CSNK2A1: variants seen among roughly 807,000 people sequenced by gnomAD.
The protein encoded by CSNK2A1 is casein kinase 2 alpha 1.
A neutral mutation model predicts 62.9 loss-of-function variants in CSNK2A1; 10 were observed. The ratio of observed to expected loss-of-function variants is 0.16; its 90% confidence interval spans 0.10 to 0.27. The LOEUF is 0.27. Ranked by LOEUF, CSNK2A1 falls within the 10% of genes least tolerant of loss-of-function variation. The pLI is 1.00. For synonymous variants in CSNK2A1, 124 were observed against 167.8 expected, an observed-to-expected ratio of 0.74 and a Z score of 2.02; for missense variants, 160 against 492.0, an observed-to-expected ratio of 0.33 and a Z score of 6.38.
Position 486,364 on chromosome 20 carries a change from C to T in CSNK2A1, c.1060+12G>A. 1 of 1,612,384 alleles carries T rather than the reference C, an allele frequency of 6.2e-7. No individual in the cohort carries two copies. The highest frequency in any genetic ancestry group is 1.1e-5 in the South Asian group (1 of 90,842). On this transcript the variant is annotated intron_variant, in intron 13 of 13. Coordinates refer to ENST00000217244, the MANE Select transcript of CSNK2A1 (RefSeq NM_177559.3). ...CCACATTTTTTTAAAGAAAATTTACCAATGAACTGACCTGACATCATATTG... is the reference window on the plus strand; with the variant it reads ...CCACATTTTTTTAAAGAAAATTTACTAATGAACTGACCTGACATCATATTG...
At chr20:494,673 C>G (rs2018308669) in intron 8 of CSNK2A1, 1 of 152,224 alleles carries the variant, frequency 6.6e-6, no homozygotes, top group Non-Finnish European at 1.5e-5. Flanking sequence ...AGCTCTCTAT[C>G]TTCAGAGAAA....
Position 478,650 on chromosome 20 carries a change from C to T in CSNK2A1, c.*5311G>A, listed in dbSNP as rs1441439026. On this transcript the variant is annotated 3_prime_UTR_variant, in exon 14 of 14. Transcript: ENST00000217244. ...AGGCCAATAAGAATCCCTAGTGGGC[C>T]AGGTGTGGTGGCTCATGCCTCTAAT... The T allele has an allele frequency of 2.3e-6, 1 of 433,506 alleles. No individual in the cohort carries two copies. The highest frequency in any genetic ancestry group is 2.5e-5 in the Admixed American group (1 of 39,446). 26.9% of individuals were successfully genotyped at this position (433,506 alleles called of 1,614,324 possible).
At chr20:519,884 A>G (rs2018909524) in intron 2 of CSNK2A1, among the ~76,000 whole-genome samples, 1 of 152,208 alleles carries the variant, frequency 6.6e-6, no homozygotes, top group South Asian at 2.1e-4. Context: ...TAGAATACAT[A>G]ACAATAAAAA....
intron 12 of CSNK2A1, chr20:487,022 A>C (rs2018115197): frequency 1.0e-5 from 2 of 196,584 alleles, no homozygotes; most frequent in Admixed American, 5.3e-5. Flanking sequence ...ATTTTCACTT[A>C]GGATGGCACA....
intron 7 of CSNK2A1, among the ~76,000 whole-genome samples, chr20:497,137 T>C (rs1224462137): frequency 6.6e-6 from 1 of 152,104 alleles, no homozygotes; most frequent in Non-Finnish European, 1.5e-5. Context: ...AGGGTTCTGA[T>C]ACTATTATTA....
At chr20:492,455 C>T (rs1483538398) in intron 8 of CSNK2A1, 91 bp from the exon 9 acceptor site, 8 of 1,272,802 alleles carry the variant, frequency 6.3e-6, no homozygotes, top group South Asian at 2.6e-5. Context: ...ATACCAGACA[C>T]GTCACTCTTT....
intron 2 of CSNK2A1, among the ~76,000 whole-genome samples, chr20:524,725 AAAAAAG>A (rs889622970): frequency 1.3e-5 from 2 of 150,786 alleles, no homozygotes; most frequent in African/African-American, 4.9e-5. Flanking sequence ...AAAAAAAAAA[AAAAAAG>A]AGATACATCT....
chr20:477,529 C>A lies in CSNK2A1; in HGVS notation c.*6432G>T, dbSNP rs556172321. On this transcript the variant is annotated 3_prime_UTR_variant, in exon 14 of 14. Coordinates refer to ENST00000217244, the MANE Select transcript of CSNK2A1 (RefSeq NM_177559.3). The stretch of plus-strand genomic sequence containing the variant: ...ATTCTTCTAGTTTTTACCACCCCCA[C>A]CACCTCAATCCTGCCCCTGTAGCCT... 3 of 152,742 alleles carry A rather than the reference C, an allele frequency of 2.0e-5. No individual in the cohort carries two copies. Among genetic ancestry groups the A allele is most frequent in the Admixed American group, 6.5e-5 (1 of 15,294 alleles). The allele number at this position is 152,742 out of a possible 1,614,324, so 9.5% of individuals were successfully genotyped here. A position where few individuals can be genotyped will look rare whatever the true frequency, so the allele number is the denominator to read the frequency against.
In CSNK2A1 at chr20:497,756, A is replaced by C. The variant is rs2018374198; in HGVS notation, c.391T>G (p.Tyr131Asp). ...TCATACATGTAAAATCGAATATCAT[A>C]GTCTGTTAACGTCTGGTACAATTGC... ...FKQLYQTLTD[Y>D]DIRFYMYEIL... is the part of the protein sequence containing the mutation. Residue 131 changes from tyrosine (Y) to aspartate (D), a missense_variant, in exon 7 of 14, where the codon TAT (tyrosine) becomes GAT (aspartate). Physicochemically the swap from Tyr to Asp is radical, Grantham distance 160. Coordinates refer to ENST00000217244, the MANE Select transcript of CSNK2A1 (RefSeq NM_177559.3). 2 of 1,612,606 alleles carry C rather than the reference A, an allele frequency of 1.2e-6. No individual in the cohort carries two copies. Among genetic ancestry groups the C allele is most frequent in the Non-Finnish European group, 1.7e-6 (2 of 1,179,104 alleles).
intron 8 of CSNK2A1, 177 bp downstream of exon 8, chr20:495,542 G>A (rs544895910): frequency 9.4e-6 from 5 of 530,838 alleles, no homozygotes; most frequent in African/African-American, 5.7e-5. Flanking sequence ...AATATTCTTA[G>A]GAATATAAAT....
chr20:511,594 TTTTG>T (rs1198712582), intron 2 of CSNK2A1, among the ~76,000 whole-genome samples: 2 of 152,102 alleles, frequency 1.3e-5, no homozygotes, highest in African/African-American at 4.8e-5. Flanking sequence ...TTGTCCTTTG[TTTTG>T]TTTATTTAAT....
intron 2 of CSNK2A1, among the ~76,000 whole-genome samples, chr20:527,371 T>G (rs2122631453): frequency 6.6e-6 from 1 of 152,348 alleles, no homozygotes; most frequent in African/African-American, 2.4e-5. Context: ...TTCTAATGTC[T>G]TTGAACTGCA....
intron 1 of CSNK2A1, among the ~76,000 whole-genome samples, chr20:532,552 G>A (rs931217762): frequency 5.3e-5 from 8 of 152,024 alleles, no homozygotes; most frequent in African/African-American, 1.9e-4. Context: ...CTGGATCTGA[G>A]GTCATTAGTT....
intron 1 of CSNK2A1, among the ~76,000 whole-genome samples, chr20:540,616 C>T (rs571349970): frequency 1.3e-5 from 2 of 152,246 alleles, no homozygotes; most frequent in African/African-American, 4.8e-5. Flanking sequence ...CTCACTGCAG[C>T]CTTGACTTCC....
At chr20:497,252 A>T (rs890222400) in intron 7 of CSNK2A1, among the ~76,000 whole-genome samples, 23 of 152,104 alleles carry the variant, frequency 1.5e-4, no homozygotes, top group Non-Finnish European at 7.4e-5. Flanking sequence ...AATTCCTGAG[A>T]TCCTCCTGTC....
At chr20:528,611 C>G (rs966771108) in intron 1 of CSNK2A1, among the ~76,000 whole-genome samples, 1 of 151,560 alleles carries the variant, frequency 6.6e-6, no homozygotes, top group African/African-American at 2.4e-5. Flanking sequence ...TTCTTTCTTT[C>G]TTTTGTTTTT....
chr20:486,297 T>C, intron 13 of CSNK2A1, 79 bp downstream of exon 13: 1 of 1,534,104 alleles, frequency 6.5e-7, no homozygotes, highest in Non-Finnish European at 8.9e-7. Flanking sequence ...AGAGAAGGTA[T>C]ACAAGAAATC....
At position 479,555 on chromosome 20, in the gene CSNK2A1, TCA is replaced by T. The variant is rs972587262; in HGVS notation, c.*4404_*4405del. ...TTTAAATCACCTGTGAAGAAAAGAT[TCA>T]GAGAGGTTAACTGATCAAAAAAATC... On this transcript the variant is annotated 3_prime_UTR_variant, in exon 14 of 14. Transcript: ENST00000217244. The T allele has an allele frequency of 6.6e-6, 1 of 152,198 alleles. No individual in the cohort carries two copies. The highest frequency in any genetic ancestry group is 1.5e-5 in the Non-Finnish European group (1 of 68,030). 9.4% of individuals were successfully genotyped at this position (152,198 alleles called of 1,614,324 possible). A position where few individuals can be genotyped will look rare whatever the true frequency, so the allele number is the denominator to read the frequency against.
intron 13 of CSNK2A1, among the ~76,000 whole-genome samples, 171 bp downstream of exon 13, chr20:486,205 A>T (rs2018094464): frequency 6.6e-6 from 1 of 152,182 alleles, no homozygotes; most frequent in South Asian, 2.1e-4. Flanking sequence ...ACCCTACTCA[A>T]GACAGTATCA....
Sources: gnomAD v4.1 joint callset for allele counts (sites outside exome capture counted in the v4.1 genomes callset) on GRCh38, gnomAD v4.1.1 for gene constraint, MANE v1.5 for transcripts, NCBI Gene and HGNC (gene_info 2026-07-23, HGNC 2026-07-21) for gene names.